Variants in INSR observed in about 807,000 individuals in gnomAD.
INSR encodes IR.
A neutral mutation model predicts 142.6 loss-of-function variants in INSR; 67 were observed. The ratio of observed to expected loss-of-function variants is 0.47; its 90% CI spans 0.39 to 0.58. The LOEUF (loss-of-function observed/expected upper bound fraction) is 0.58. Ranked by LOEUF, INSR falls within the 20% of genes least tolerant of loss-of-function variation. The pLI, the probability that INSR is intolerant of heterozygous loss-of-function variation, is 0.00. For synonymous variants in INSR, 756 were observed against 743.1 expected (o/e 1.02, Z -0.28); for missense variants, 1,248 against 1,833.2 (o/e 0.68, Z 5.83).
intron 9 of INSR, among the ~76,000 whole-genome samples, chr19:7,153,420 C>CACCACACACCA (rs1973495011): frequency 9.1e-6 from 1 of 109,574 alleles, no homozygotes; most frequent in African/African-American, 3.5e-5. Context: ...TTCACACACA[C>CACCACACACCA]CACACACCAC....
chr19:7,199,678 C>T (rs1383347807), intron 2 of INSR, among the ~76,000 whole-genome samples: 1 of 150,086 alleles, frequency 6.7e-6, no homozygotes, highest in Non-Finnish European at 1.5e-5. Flanking sequence ...CCATCACAGG[C>T]GTGAGGAACC....
At chr19:7,247,265 C>T (rs1196261396) in intron 2 of INSR, among the ~76,000 whole-genome samples, 2 of 152,180 alleles carry the variant, frequency 1.3e-5, no homozygotes, top group Admixed American at 6.5e-5. Context: ...AAACCCACAC[C>T]CATTTTACTC....
Position 7,258,535 on chromosome 19 carries a change from A to C in INSR, c.652+8810T>G, listed in dbSNP as rs1024921656. Among the ~76,000 whole-genome samples the C allele has an allele frequency of 2.5e-4, 38 of 149,854 alleles. 2 individuals are homozygous for C. The highest frequency in any genetic ancestry group is 8.6e-4 in the African/African-American group (35 of 40,930). On this transcript the variant is annotated intron_variant, in intron 2 of 21. Transcript: ENST00000302850. ...CTGGGCAAAGGCCTTACGTCAGACAAGTCTGAAGTCAAACCATTCCCCAGC... is the reference window on the plus strand; with the variant it reads ...CTGGGCAAAGGCCTTACGTCAGACACGTCTGAAGTCAAACCATTCCCCAGC...
intron 6 of INSR, among the ~76,000 whole-genome samples, chr19:7,169,836 AT>A (rs2144948420): frequency 6.6e-6 from 1 of 152,266 alleles, no homozygotes; most frequent in South Asian, 2.1e-4. Context: ...CCGGTACTAT[AT>A]GGCACAGTAA....
At chr19:7,161,902 G>A (rs1215665008) in intron 9 of INSR, among the ~76,000 whole-genome samples, 2 of 152,272 alleles carry the variant, frequency 1.3e-5, no homozygotes, top group Admixed American at 6.5e-5. Flanking sequence ...GTATGTATGA[G>A]CCGGTCATAG....
intron 11 of INSR, among the ~76,000 whole-genome samples, chr19:7,144,702 C>G (rs1973148322): frequency 6.9e-6 from 1 of 144,534 alleles, no homozygotes; most frequent in Non-Finnish European, 1.5e-5. Context: ...CCGCACATGG[C>G]TCTTTTTTTT....
At chr19:7,194,226 C>T (rs1432815145) in intron 2 of INSR, among the ~76,000 whole-genome samples, 1 of 152,020 alleles carries the variant, frequency 6.6e-6, no homozygotes, top group Non-Finnish European at 1.5e-5. Flanking sequence ...CGAGACCAGC[C>T]TGGCCAACAT....
chr19:7,117,072 C>T lies in INSR; in HGVS notation c.4133G>A (p.Arg1378Gln), dbSNP rs52826008. The T allele has an allele frequency of 1.4e-4, 221 of 1,614,036 alleles. 4 individuals carry two copies. The South Asian group carries it at 2.3e-3, about 17-fold the overall frequency. The change falls in exon 22 of 22, where the codon CGG becomes CAG. Residue 1378 changes from arginine (R) to glutamine (Q), a missense_variant. By Grantham distance (43) the Arg-to-Gln change is conservative. Coordinates refer to ENST00000302850, the MANE Select transcript of INSR (RefSeq NM_000208.4). ...TAGGCACTGTTAGGAAGGATTGGAC[C>T]GAGGCAAGGTCAGAATCCGCCCGTT... Reference protein sequence around the residue: ...KKNGRILTLPRSNPS With the variant: ...KKNGRILTLPQSNPS
intron 2 of INSR, among the ~76,000 whole-genome samples, chr19:7,188,702 C>T (rs1373558783): frequency 6.6e-6 from 1 of 151,786 alleles, no homozygotes; most frequent in East Asian, 1.9e-4. Flanking sequence ...TGGTGAAACC[C>T]GTCTCTACTA....
intron 3 of INSR, among the ~76,000 whole-genome samples, chr19:7,176,035 C>T (rs530910716): frequency 5.9e-5 from 9 of 152,144 alleles, no homozygotes; most frequent in Non-Finnish European, 1.2e-4. Flanking sequence ...CTGGACCCCA[C>T]AGTGATGGGA....
At chr19:7,252,969 G>A (rs557470377) in intron 2 of INSR, among the ~76,000 whole-genome samples, 345 of 152,148 alleles carry the variant, frequency 2.3e-3, no homozygotes, top group African/African-American at 7.8e-3. Context: ...AAAAAAATTA[G>A]CCGGGCGTGG....
intron 1 of INSR, among the ~76,000 whole-genome samples, chr19:7,283,883 A>G (rs1968273109): frequency 6.6e-6 from 1 of 152,144 alleles, no homozygotes; most frequent in African/African-American, 2.4e-5. Flanking sequence ...GCCACAACAC[A>G]TTTATCCATG....
intron 2 of INSR, among the ~76,000 whole-genome samples, chr19:7,214,547 G>A (rs976041895): frequency 1.3e-5 from 2 of 152,134 alleles, no homozygotes; most frequent in Non-Finnish European, 2.9e-5. Flanking sequence ...TCTGCTGGTG[G>A]GCTGGTTGTC....
intron 17 of INSR, among the ~76,000 whole-genome samples, chr19:7,124,432 G>C (rs182552125): frequency 7.0e-6 from 1 of 143,664 alleles, no homozygotes; most frequent in East Asian, 2.1e-4. Flanking sequence ...CCAGCTACTC[G>C]GGAGGCTGAG....
chr19:7,174,795 C>G (rs1250661381), intron 3 of INSR, 64 bp from the exon 4 acceptor site: 1 of 1,513,696 alleles, frequency 6.6e-7, no homozygotes, highest in African/African-American at 1.4e-5. Context: ...TATCCAAGGT[C>G]CTTCAGACAT....
At chr19:7,270,337 T>TCACACACACACACACA (rs1334553477) in intron 1 of INSR, among the ~76,000 whole-genome samples, 14 of 95,692 alleles carry the variant, frequency 1.5e-4, no homozygotes, top group African/African-American at 4.7e-4. Flanking sequence ...TCTCTCTCTC[T>TCACACACACACACACA]CTCACACACA....
intron 2 of INSR, among the ~76,000 whole-genome samples, chr19:7,197,510 AGTGGGGGTGTGTGTGTGTGT>A (rs1974786838): frequency 3.2e-5 from 2 of 61,944 alleles, no homozygotes; most frequent in Non-Finnish European, 6.7e-5. Flanking sequence ...CCAGAGTGGG[AGTGGGGGTGTGTGTGTGTGT>A]GTGTGTGTGT....
At chr19:7,199,861 C>T (rs1186487898) in intron 2 of INSR, among the ~76,000 whole-genome samples, 1 of 151,536 alleles carries the variant, frequency 6.6e-6, no homozygotes, top group East Asian at 1.9e-4. Context: ...AAAGATGTGT[C>T]TGTCTTGCTT....
chr19:7,273,852 G>A (rs888555426), intron 1 of INSR, among the ~76,000 whole-genome samples: 3 of 151,506 alleles, frequency 2.0e-5, no homozygotes, highest in African/African-American at 7.3e-5. Context: ...AATGGGCCAG[G>A]TACCATGGCT....
Sources: gnomAD v4.1 joint callset for allele counts (sites outside exome capture counted in the v4.1 genomes callset) on GRCh38, gnomAD v4.1.1 for gene constraint, MANE v1.5 for transcripts, NCBI Gene and HGNC (gene_info 2026-07-23, HGNC 2026-07-21) for gene names.